LMBRD1: variants seen among roughly 807,000 people sequenced by gnomAD.
LMBRD1 encodes lysosomal cobalamin transport escort protein LMBD1.
Under a neutral mutation model 74.8 loss-of-function variants are expected in LMBRD1, and 64 were observed. That is an observed-to-expected ratio of 0.86 (90% confidence interval 0.70 to 1.05). LMBRD1 has a LOEUF of 1.05. Among genes scored for constraint, LMBRD1 ranks in the 50% least tolerant of loss-of-function variants. The pLI, the probability that LMBRD1 is intolerant of heterozygous loss-of-function variation, is 0.00. For synonymous variants in LMBRD1, 204 were observed against 216.3 expected (o/e 0.94, Z 0.50); for missense variants, 652 against 645.9 (o/e 1.01, Z -0.10).
intron 9 of LMBRD1, chr6:69,705,298 T>C: frequency 1.3e-6 from 1 of 744,812 alleles, no homozygotes. Flanking sequence ...TAAAGAGACT[T>C]CCTCAACTGC....
At chr6:69,680,072 A>G (rs925572631) in intron 14 of LMBRD1, among the ~76,000 whole-genome samples, 5 of 152,250 alleles carry the variant, frequency 3.3e-5, no homozygotes, top group Admixed American at 3.3e-4. Context: ...ACACAAATGG[A>G]TTTGGCAAAA....
intron 6 of LMBRD1, among the ~76,000 whole-genome samples, chr6:69,738,580 G>C (rs1053440858): frequency 2.7e-5 from 4 of 149,754 alleles, no homozygotes; most frequent in African/African-American, 1.0e-4. Context: ...CAAACACAAC[G>C]AGAAAATAGG....
At chr6:69,764,697 TAC>T (rs1347673879) in intron 3 of LMBRD1, among the ~76,000 whole-genome samples, 5 of 152,186 alleles carry the variant, frequency 3.3e-5, no homozygotes, top group African/African-American at 1.2e-4. Flanking sequence ...ATTGGTAAGA[TAC>T]ATTTTGAATA....
At chr6:69,701,635 C>T in intron 10 of LMBRD1, 90 bp from the exon 11 acceptor site, 2 of 789,744 alleles carry the variant, frequency 2.5e-6, no homozygotes, top group Admixed American at 2.3e-5. Context: ...TGCAAATACA[C>T]CTGAGTCAAA....
chr6:69,719,160 T>A, intron 7 of LMBRD1, 79 bp from the exon 8 acceptor site: 1 of 1,396,078 alleles, frequency 7.2e-7, no homozygotes. Context: ...AAAATGTCTT[T>A]TAAAGTCATA....
intron 12 of LMBRD1, 58 bp from the exon 13 acceptor site, chr6:69,699,250 T>C: frequency 1.4e-6 from 2 of 1,449,314 alleles, no homozygotes; most frequent in Non-Finnish European, 1.9e-6. Context: ...AAGCATTAAA[T>C]CCTTTTCTTG....
chr6:69,705,660 T>C (rs909107455), intron 9 of LMBRD1: 8 of 845,352 alleles, frequency 9.5e-6, no homozygotes, highest in Non-Finnish European at 1.2e-5. Flanking sequence ...TTCATCATTA[T>C]CATCATCATC....
chr6:69,704,960 C>A (rs1766219709), intron 9 of LMBRD1, among the ~76,000 whole-genome samples: 1 of 139,634 alleles, frequency 7.2e-6, no homozygotes, highest in African/African-American at 2.8e-5. Context: ...ATTAATTTCT[C>A]TTTTTTTTAA....
At chr6:69,694,272 T>A (rs1339378891) in intron 14 of LMBRD1, among the ~76,000 whole-genome samples, 1 of 152,192 alleles carries the variant, frequency 6.6e-6, no homozygotes, top group East Asian at 1.9e-4. Flanking sequence ...TCAATACTAT[T>A]GTAACAATTT....
intron 3 of LMBRD1, 55 bp downstream of exon 3, chr6:69,780,439 G>C (rs376253728): frequency 7.9e-7 from 1 of 1,262,438 alleles, no homozygotes; most frequent in South Asian, 1.2e-5. Flanking sequence ...CATCGGAGTC[G>C]TATCAGTATT....
Position 69,741,834 on chromosome 6 carries a change from C to A in LMBRD1, c.517G>T (p.Glu173Ter). The change falls in exon 6 of 16, where the codon GAG becomes TAG. Residue 173 changes from glutamate to a stop codon, truncating the protein, a stop_gained. Coordinates refer to ENST00000649934, the MANE Select transcript of LMBRD1 (RefSeq NM_018368.4). LOFTEE classifies it high-confidence loss of function. ...AATAGGGACTTCACTTTTTCCCACT[C>A]TGTAGAATTTTTGTTATTGGGAACA... ...LNVPNNKNST[E>*]WEKVKSLFEE... 6.2e-7 allele frequency: 1 copy of A among 1,607,868 alleles called. No homozygotes were observed. The highest frequency in any genetic ancestry group is 8.5e-7 in the Non-Finnish European group (1 of 1,174,488).
chr6:69,720,329 A>G (rs1446410374), intron 7 of LMBRD1, among the ~76,000 whole-genome samples: 1 of 152,190 alleles, frequency 6.6e-6, no homozygotes, highest in Non-Finnish European at 1.5e-5. Context: ...TGTATTTCCA[A>G]AGGAGAAACA....
At chr6:69,714,554 T>A (rs1766451020) in intron 8 of LMBRD1, among the ~76,000 whole-genome samples, 1 of 152,184 alleles carries the variant, frequency 6.6e-6, no homozygotes, top group South Asian at 2.1e-4. Context: ...AAATTGTTTT[T>A]ATCAGCAGGA....
chr6:69,710,598 T>C (rs1246902047), intron 9 of LMBRD1, among the ~76,000 whole-genome samples: 1 of 152,150 alleles, frequency 6.6e-6, no homozygotes, highest in Non-Finnish European at 1.5e-5. Flanking sequence ...GACAAAGTGC[T>C]AGATCCAGAC....
chr6:69,736,612 G>C (rs998218632), intron 7 of LMBRD1, among the ~76,000 whole-genome samples: 1 of 151,940 alleles, frequency 6.6e-6, no homozygotes, highest in Non-Finnish European at 1.5e-5. Context: ...TTTTTCTCCT[G>C]ACTTATGTTT....
At chr6:69,747,098 T>C (rs533584326) in intron 5 of LMBRD1, among the ~76,000 whole-genome samples, 82 of 151,518 alleles carry the variant, frequency 5.4e-4, no homozygotes, top group Admixed American at 1.1e-3. Flanking sequence ...GTTGAAGCCC[T>C]AACCCCCAAT....
chr6:69,700,067 T>TCAAATCATG, intron 12 of LMBRD1, among the ~76,000 whole-genome samples: 1 of 151,886 alleles, frequency 6.6e-6, no homozygotes, highest in Non-Finnish European at 1.5e-5. Context: ...GCAGCCATAC[T>TCAAATCATG]ACAATCATGA....
At chr6:69,770,063 C>T (rs1301693551) in intron 3 of LMBRD1, among the ~76,000 whole-genome samples, 1 of 152,166 alleles carries the variant, frequency 6.6e-6, no homozygotes, top group African/African-American at 2.4e-5. Flanking sequence ...TCTCCAGTCT[C>T]CAATACACAT....
At chr6:69,691,855 G>A (rs1453955163) in intron 14 of LMBRD1, among the ~76,000 whole-genome samples, 18 of 127,648 alleles carry the variant, frequency 1.4e-4, no homozygotes, top group Non-Finnish European at 2.5e-4. Context: ...CAGACTGGGC[G>A]ACAGTGTGAG....
Sources: allele counts gnomAD v4.1 joint callset (sites outside exome capture counted in the v4.1 genomes callset), GRCh38; gene constraint gnomAD v4.1.1; transcripts MANE v1.5; gene names NCBI Gene and HGNC (gene_info 2026-07-23, HGNC 2026-07-21).